The following DLG2 variants were observed in gnomAD, a reference collection of about 807,000 sequenced individuals.
DLG2 encodes the protein discs large MAGUK scaffold protein 2, also known as disks large homolog 2.
In DLG2, 45 loss-of-function variants were observed where a neutral mutation model predicts 132.5. That is an observed-to-expected ratio of 0.34 (90% CI 0.27 to 0.44). The LOEUF (loss-of-function observed/expected upper bound fraction) is 0.44, where lower values mean the gene tolerates loss of function less well. Among genes scored for constraint, DLG2 ranks in the 20% least tolerant of loss-of-function variants. The pLI is 1.00. For missense variants in DLG2, 1,045 were observed against 1,196.9 expected (o/e 0.87, Z 1.87); for synonymous variants, 424 against 419.6 (o/e 1.01, Z -0.13).
chr11:85,000,546 A>G (rs1399341984), intron 6 of DLG2, among the ~76,000 whole-genome samples: 1 of 152,176 alleles, frequency 6.6e-6, no homozygotes, highest in African/African-American at 2.4e-5. Flanking sequence ...TGTTTCTTGT[A>G]TGGATTTGGT....
At chr11:84,809,380 G>A (rs1407429355) in intron 6 of DLG2, among the ~76,000 whole-genome samples, 1 of 151,338 alleles carries the variant, frequency 6.6e-6, no homozygotes, top group African/African-American at 2.4e-5. Flanking sequence ...GCAAGACAAG[G>A]ATATCTTTCC....
intron 6 of DLG2, among the ~76,000 whole-genome samples, chr11:84,583,636 T>C (rs1437494625): frequency 2.0e-5 from 3 of 152,206 alleles, no homozygotes; most frequent in Non-Finnish European, 4.4e-5. Context: ...TAAATATTCT[T>C]GTATGGGTTC....
intron 6 of DLG2, among the ~76,000 whole-genome samples, chr11:85,109,925 C>T (rs2072435407): frequency 6.6e-6 from 1 of 151,972 alleles, no homozygotes; most frequent in Non-Finnish European, 1.5e-5. Context: ...TCCTCTTTAC[C>T]AAGAAATCTG....
At chr11:84,452,575 G>A (rs868269568) in intron 7 of DLG2, among the ~76,000 whole-genome samples, 1 of 151,704 alleles carries the variant, frequency 6.6e-6, no homozygotes, top group South Asian at 2.1e-4. Flanking sequence ...TTTTTAAAAA[G>A]TGGTTGGGTT....
intron 4 of DLG2, among the ~76,000 whole-genome samples, chr11:85,169,157 G>T (rs1225565515): frequency 6.6e-6 from 1 of 152,030 alleles, no homozygotes; most frequent in Non-Finnish European, 1.5e-5. Context: ...TATAAAAATA[G>T]TTGTTGTACT....
chr11:83,880,474 G>T (rs2065906634), intron 15 of DLG2, among the ~76,000 whole-genome samples: 1 of 152,120 alleles, frequency 6.6e-6, no homozygotes, highest in Non-Finnish European at 1.5e-5. Context: ...GATCTGGCTG[G>T]GTAGGCATTT....
At chr11:85,131,169 A>C (rs1184053889) in intron 5 of DLG2, among the ~76,000 whole-genome samples, 1 of 152,148 alleles carries the variant, frequency 6.6e-6, no homozygotes, top group African/African-American at 2.4e-5. Context: ...TTATAAGTAA[A>C]TATAAGGCAT....
intron 16 of DLG2, among the ~76,000 whole-genome samples, chr11:83,863,147 G>T (rs1387510782): frequency 1.3e-5 from 2 of 152,166 alleles, no homozygotes; most frequent in East Asian, 1.9e-4. Context: ...TATCTGGAAG[G>T]AACCTATGTG....
intron 7 of DLG2, among the ~76,000 whole-genome samples, chr11:84,411,473 T>A (rs966731962): frequency 3.3e-5 from 5 of 152,182 alleles, no homozygotes; most frequent in African/African-American, 1.2e-4. Context: ...CACATAAATC[T>A]TAGTTGTACA....
rs186698855 is a variant in DLG2, at chr11:84,886,587, G to A, written c.357+225074C>T. The stretch of plus-strand genomic sequence containing the variant: ...GATCATTTATATTTGTATATTCGTT[G>A]TGTATAAACTTGGAATTTATCTAAA... On this transcript the variant is annotated intron_variant, in intron 6 of 27. Coordinates refer to ENST00000376104, the MANE Select transcript of DLG2 (RefSeq NM_001142699.3). 2.6e-3 allele frequency among the ~76,000 whole-genome samples: 402 copies of A among 152,214 alleles called. 4 individuals carry two copies. Among genetic ancestry groups the A allele is most frequent in the Admixed American group, 0.021 (314 of 15,272 alleles).
At chr11:84,019,250 C>G (rs1208700945) in intron 11 of DLG2, among the ~76,000 whole-genome samples, 1 of 151,854 alleles carries the variant, frequency 6.6e-6, no homozygotes, top group East Asian at 1.9e-4. Context: ...AAAGAAAATT[C>G]TATGTATTTC....
intron 18 of DLG2, among the ~76,000 whole-genome samples, chr11:83,689,975 T>C (rs2080632822): frequency 7.0e-6 from 1 of 143,878 alleles, no homozygotes; most frequent in Non-Finnish European, 1.5e-5. Context: ...TATATTTATA[T>C]TATAATATAT....
At chr11:84,891,650 G>A (rs1454767410) in intron 6 of DLG2, among the ~76,000 whole-genome samples, 1 of 152,060 alleles carries the variant, frequency 6.6e-6, no homozygotes, top group Non-Finnish European at 1.5e-5. Flanking sequence ...TGTTTTAAAA[G>A]GCAGAGGAAA....
At chr11:84,428,012 G>C (rs925122217) in intron 7 of DLG2, among the ~76,000 whole-genome samples, 10 of 152,300 alleles carry the variant, frequency 6.6e-5, no homozygotes, top group African/African-American at 2.4e-4. Context: ...GAGAAGAAAA[G>C]TATTTTGTGA....
intron 6 of DLG2, among the ~76,000 whole-genome samples, chr11:84,835,035 T>C (rs2079558507): frequency 1.3e-5 from 2 of 151,712 alleles, no homozygotes; most frequent in Non-Finnish European, 3.0e-5. Context: ...AAGACAGTGA[T>C]ACAGCATGCA....
chr11:83,899,820 T>A (rs1252999993), intron 15 of DLG2, among the ~76,000 whole-genome samples: 2 of 152,184 alleles, frequency 1.3e-5, no homozygotes, highest in Non-Finnish European at 2.9e-5. Flanking sequence ...GCTGAAAAGA[T>A]ACCCAAAAAT....
intron 5 of DLG2, among the ~76,000 whole-genome samples, chr11:85,117,144 C>G (rs1313436045): frequency 6.6e-6 from 1 of 151,994 alleles, no homozygotes; most frequent in Non-Finnish European, 1.5e-5. Flanking sequence ...TAACACCTGT[C>G]AAGACAACCC....
At chr11:84,961,941 C>CCCCACT (rs1465853621) in intron 6 of DLG2, among the ~76,000 whole-genome samples, 30 of 152,328 alleles carry the variant, frequency 2.0e-4, no homozygotes, top group African/African-American at 7.2e-4. Context: ...CCCACCCCAG[C>CCCCACT]CCCACTCCCA....
chr11:84,243,017 C>CTCTATATATA (rs542476924), intron 8 of DLG2, among the ~76,000 whole-genome samples: 25 of 142,206 alleles, frequency 1.8e-4, no homozygotes, highest in Middle Eastern at 3.8e-3. Context: ...CTCTCTCTCT[C>CTCTATATATA]TATATATATA....
Sources: gnomAD v4.1 joint callset for allele counts (sites outside exome capture counted in the v4.1 genomes callset) on GRCh38, gnomAD v4.1.1 for gene constraint, MANE v1.5 for transcripts, NCBI Gene and HGNC (gene_info 2026-07-23, HGNC 2026-07-21) for gene names.